NR2F1-AS1: variants seen among roughly 807,000 people sequenced by gnomAD.
NR2F1-AS1 encodes NR2F1 antisense RNA 1.
At chr5:93,463,965 C>A (rs578134397) in intron 4 of NR2F1-AS1, among the ~76,000 whole-genome samples, 1 of 152,160 alleles carries the variant, frequency 6.6e-6, no homozygotes, top group East Asian at 1.9e-4. Flanking sequence ...TGAGTTAGTG[C>A]TGAAATGAGT....
chr5:93,447,998 G>A (rs146276391), intron 4 of NR2F1-AS1, among the ~76,000 whole-genome samples: 2,506 of 152,220 alleles, frequency 0.016, 73 homozygotes, highest in African/African-American at 0.057. Flanking sequence ...GAATTGGACA[G>A]TGAGAACACT....
intron 4 of NR2F1-AS1, among the ~76,000 whole-genome samples, chr5:93,477,687 A>T (rs1750513769): frequency 6.6e-6 from 1 of 150,710 alleles, no homozygotes; most frequent in African/African-American, 2.4e-5. Flanking sequence ...GAGCAATGAG[A>T]GAGAGAGGCA....
chr5:93,431,078 A>G (rs966221904), intron 4 of NR2F1-AS1, among the ~76,000 whole-genome samples: 1 of 152,172 alleles, frequency 6.6e-6, no homozygotes, highest in Admixed American at 6.5e-5. Context: ...TTCACTCGTA[A>G]TGATGTCTTC....
intron 4 of NR2F1-AS1, among the ~76,000 whole-genome samples, chr5:93,418,818 A>G (rs1360822119): frequency 1.3e-5 from 2 of 152,060 alleles, no homozygotes; most frequent in African/African-American, 2.4e-5. Context: ...TTTATAATCA[A>G]TTTTGATTTC....
rs545459340 is a variant in NR2F1-AS1 at position 93,458,741 on chromosome 5, G to A, written n.639-63199C>T. Among the ~76,000 whole-genome samples, 12 of 152,278 alleles carry A rather than the reference G, an allele frequency of 7.9e-5. No individual in the cohort carries two copies. In the South Asian group the frequency reaches 2.3e-3, roughly 29 times the overall value. On this transcript the variant is annotated intron_variant and non_coding_transcript_variant, in intron 4 of 5. Coordinates refer to ENST00000660523, the Ensembl canonical transcript of NR2F1-AS1. ...AACAAAAGCACAGGCCGGGCGCAGT[G>A]GCTCATGCCTGTAATCCCAGTACTT...
At chr5:93,456,225 A>C (rs555364463) in intron 4 of NR2F1-AS1, among the ~76,000 whole-genome samples, 1 of 152,368 alleles carries the variant, frequency 6.6e-6, no homozygotes, top group African/African-American at 2.4e-5. Flanking sequence ...TACCAAACTA[A>C]TAAATGAGTT....
At chr5:93,445,373 C>T (rs950891664) in intron 4 of NR2F1-AS1, among the ~76,000 whole-genome samples, 47 of 152,028 alleles carry the variant, frequency 3.1e-4, no homozygotes, top group African/African-American at 9.2e-4. Context: ...GTATCACCAC[C>T]GATCCCACAG....
chr5:93,492,754 T>G (rs1336067466), intron 4 of NR2F1-AS1, among the ~76,000 whole-genome samples: 4 of 151,936 alleles, frequency 2.6e-5, no homozygotes, highest in South Asian at 2.1e-4. Flanking sequence ...ATTAATATAA[T>G]GCACCACATT....
rs965507904 is a variant in NR2F1-AS1, at chr5:93,511,112, G to A, written n.638+42649C>T. Reference sequence around the variant, plus strand: ...TTTGAATGGGGCCACAGAGTGCTAAGATTAAACATTGCTTCTGAGTGTGTC... The same window carrying A: ...TTTGAATGGGGCCACAGAGTGCTAAAATTAAACATTGCTTCTGAGTGTGTC... On this transcript the variant is annotated intron_variant and non_coding_transcript_variant, in intron 4 of 5. Transcript: ENST00000660523. Among the ~76,000 whole-genome samples, 11 of 152,258 alleles carry A rather than the reference G, an allele frequency of 7.2e-5. 1 individual carries two copies. In the South Asian group the frequency reaches 2.3e-3, roughly 32 times the overall value.
At chr5:93,581,836 CCTCTCTCTCTCTCTCTCCT>C (rs1197287488), upstream of NR2F1-AS1, among the ~76,000 whole-genome samples, 3 of 50,836 alleles carry the variant, frequency 5.9e-5, no homozygotes, top group East Asian at 3.0e-3. Flanking sequence ...CTCTCTCTCT[CCTCTCTCTCTCTCTCTCCT>C]CTCTCTCTCT....
At chr5:93,456,537 T>G (rs1304924527) in intron 4 of NR2F1-AS1, among the ~76,000 whole-genome samples, 1 of 152,186 alleles carries the variant, frequency 6.6e-6, no homozygotes, top group Non-Finnish European at 1.5e-5. Context: ...AATCTATAGA[T>G]TTGATACCAT....
chr5:93,419,696 T>C (rs78527069), intron 4 of NR2F1-AS1, among the ~76,000 whole-genome samples: 2,747 of 152,324 alleles, frequency 0.018, 87 homozygotes, highest in African/African-American at 0.063. Context: ...ACTTTAAGTT[T>C]TTCTTAAACA....
intron 3 of NR2F1-AS1, among the ~76,000 whole-genome samples, chr5:93,554,293 A>G (rs1752299223): frequency 6.6e-6 from 1 of 152,230 alleles, no homozygotes. Context: ...CTATACCATT[A>G]AATGTAATAT....
At chr5:93,555,718 G>T (rs749417904) in intron 2 of NR2F1-AS1, among the ~76,000 whole-genome samples, 2 of 152,144 alleles carry the variant, frequency 1.3e-5, no homozygotes, top group Non-Finnish European at 2.9e-5. Context: ...TGACCATTAG[G>T]TCTGTTACCC....
chr5:93,495,773 A>T (rs954242826), intron 4 of NR2F1-AS1, among the ~76,000 whole-genome samples: 2 of 152,092 alleles, frequency 1.3e-5, no homozygotes, highest in African/African-American at 2.4e-5. Context: ...CATATACACA[A>T]ATATGATGAA....
At chr5:93,521,520 AAAAC>A (rs1228856939) in intron 4 of NR2F1-AS1, among the ~76,000 whole-genome samples, 2 of 152,200 alleles carry the variant, frequency 1.3e-5, no homozygotes, top group African/African-American at 2.4e-5. Flanking sequence ...TTGCAAGAGA[AAAAC>A]AAACAACCCC....
chr5:93,581,702 C>T (rs1753045311), upstream of NR2F1-AS1, among the ~76,000 whole-genome samples: 1 of 64,738 alleles, frequency 1.5e-5, no homozygotes, highest in South Asian at 8.4e-4. Flanking sequence ...CTCTCTCTCT[C>T]TCTCTCTCTC....
At chr5:93,580,096 A>G (rs1752986498) in intron 1 of NR2F1-AS1, among the ~76,000 whole-genome samples, 1 of 152,196 alleles carries the variant, frequency 6.6e-6, no homozygotes, top group Non-Finnish European at 1.5e-5. Flanking sequence ...ACCAGCAGGA[A>G]CAGCCGGGCC....
At chr5:93,460,358 T>C (rs1750062406) in intron 4 of NR2F1-AS1, among the ~76,000 whole-genome samples, 1 of 152,108 alleles carries the variant, frequency 6.6e-6, no homozygotes, top group Non-Finnish European at 1.5e-5. Flanking sequence ...CAAATGGCAG[T>C]CTCAGGGAGT....
Sources: gnomAD v4.1 joint callset for allele counts (sites outside exome capture counted in the v4.1 genomes callset) on GRCh38, gnomAD v4.1.1 for gene constraint, MANE v1.5 for transcripts, NCBI Gene and HGNC (gene_info 2026-07-23, HGNC 2026-07-21) for gene names.